The following GABRA3 variants were observed in gnomAD, a reference collection of about 807,000 sequenced individuals.
GABRA3 encodes gamma-aminobutyric acid type A receptor subunit alpha3, also known as gamma-aminobutyric acid receptor subunit alpha-3.
Under a neutral mutation model 30.1 loss-of-function variants are expected in GABRA3, and 10 were observed. That is an observed-to-expected ratio of 0.33 (90% confidence interval 0.20 to 0.56). The LOEUF is 0.56. Ranked by LOEUF, GABRA3 falls within the 20% of genes least tolerant of loss-of-function variation. The pLI, the probability that GABRA3 is intolerant of heterozygous loss-of-function variation, is 0.89. For missense variants in GABRA3, 233 were observed against 392.0 expected (o/e 0.59, Z 3.42); for synonymous variants, 151 against 146.8 (o/e 1.03, Z -0.21).
rs1936942431 is a variant in GABRA3 at position 152,166,825 on chromosome X, G to C, written c.*1403C>G. The C allele has an allele frequency of 9.0e-6, 1 of 111,072 alleles. No individual in the cohort carries two copies. Among genetic ancestry groups the C allele is most frequent in the African/African-American group, 3.3e-5 (1 of 30,470 alleles). 9.2% of individuals were successfully genotyped at this position (111,072 alleles called of 1,213,427 possible). A position where few individuals can be genotyped will look rare whatever the true frequency, so the allele number is the denominator to read the frequency against. ...TTGTGCTGATTCTGAGGTCACGGTG[G>C]ACCTGGCTTCTCAGTCCTTTATTTT... On this transcript the variant is annotated 3_prime_UTR_variant, in exon 10 of 10. Transcript: ENST00000370314.
intron 1 of GABRA3, among the ~76,000 whole-genome samples, chrX:152,372,012 C>A (rs775632803): frequency 9.0e-6 from 1 of 111,070 alleles, no homozygotes; most frequent in Non-Finnish European, 1.9e-5. Context: ...TTGGAACAGA[C>A]CCAGACTCTG....
chrX:152,314,419 A>T (rs989459858), intron 3 of GABRA3, among the ~76,000 whole-genome samples: 1 of 112,354 alleles, frequency 8.9e-6, no homozygotes. Context: ...TTTTAAGAGT[A>T]AGTAAGATCT....
intron 3 of GABRA3, among the ~76,000 whole-genome samples, chrX:152,301,590 ATGG>A (rs1466680529): frequency 9.0e-6 from 1 of 110,993 alleles, no homozygotes; most frequent in African/African-American, 3.3e-5. Context: ...CTAGAGTTTA[ATGG>A]TGCGATCTCG....
At chrX:152,324,710 C>A (rs1940024996) in intron 3 of GABRA3, among the ~76,000 whole-genome samples, 1 of 111,019 alleles carries the variant, frequency 9.0e-6, no homozygotes, top group South Asian at 3.8e-4. Flanking sequence ...AAATTATAGT[C>A]AATACATTGA....
At chrX:152,309,378 C>A (rs899492104) in intron 3 of GABRA3, among the ~76,000 whole-genome samples, 1 of 110,675 alleles carries the variant, frequency 9.0e-6, no homozygotes, top group South Asian at 3.8e-4. Flanking sequence ...ATATATTAAA[C>A]GCAGCTAGAG....
intron 5 of GABRA3, among the ~76,000 whole-genome samples, chrX:152,248,850 A>G (rs867228509): frequency 3.6e-5 from 4 of 111,974 alleles, no homozygotes; most frequent in Admixed American, 9.5e-5. Flanking sequence ...AACGTTAACT[A>G]TGTGAGGTAA....
intron 9 of GABRA3, among the ~76,000 whole-genome samples, chrX:152,170,738 T>C (rs1187287570): frequency 8.9e-6 from 1 of 112,323 alleles, no homozygotes; most frequent in Non-Finnish European, 1.9e-5. Flanking sequence ...AAAGGCCTTA[T>C]ATGCTATGCT....
chrX:152,443,016 T>C lies in GABRA3; in HGVS notation c.-27+8130A>G, dbSNP rs763713090. On this transcript the variant is annotated intron_variant, in intron 1 of 9. Coordinates refer to ENST00000370314, the MANE Select transcript of GABRA3 (RefSeq NM_000808.4). Reference sequence around the variant, plus strand: ...TAAATATAATTACATAAAATTAAGATTACTATGCATAAAAGTCAATTTAAA... The same window carrying C: ...TAAATATAATTACATAAAATTAAGACTACTATGCATAAAAGTCAATTTAAA... 1.5e-3 allele frequency among the ~76,000 whole-genome samples: 168 copies of C among 111,908 alleles called. 1 individual carries two copies. Among genetic ancestry groups the C allele is most frequent in the African/African-American group, 5.3e-3 (164 of 30,942 alleles).
At chrX:152,438,971 G>A (rs1232890566) in intron 1 of GABRA3, among the ~76,000 whole-genome samples, 7 of 110,369 alleles carry the variant, frequency 6.3e-5, no homozygotes, top group African/African-American at 1.6e-4. Context: ...AGCTATAGAC[G>A]TGAGTTAATA....
In GABRA3 at chrX:152,410,543, C is replaced by T. The variant is rs768829401; in HGVS notation, c.-27+40603G>A. On this transcript the variant is annotated intron_variant, in intron 1 of 9. Transcript: ENST00000370314. ...AATAACAAATTTTATATTTAAAAAA[C>T]AAAAACATCACATATACTCTATCAA... is the stretch of plus-strand genomic sequence containing the variant. 1.5e-3 allele frequency among the ~76,000 whole-genome samples: 171 copies of T among 110,786 alleles called. 1 individual carries two copies. Among genetic ancestry groups the T allele is most frequent in the African/African-American group, 4.6e-3 (140 of 30,580 alleles).
chrX:152,362,301 G>C (rs1007125751), intron 2 of GABRA3, among the ~76,000 whole-genome samples: 2 of 110,604 alleles, frequency 1.8e-5, no homozygotes, highest in African/African-American at 6.6e-5. Flanking sequence ...AATACCTTGG[G>C]TAATATTGAA....
chrX:152,258,669 A>G (rs1254047512), intron 4 of GABRA3, among the ~76,000 whole-genome samples: 1 of 111,984 alleles, frequency 8.9e-6, no homozygotes, highest in Non-Finnish European at 1.9e-5. Flanking sequence ...AAATTGCAAA[A>G]CAGAAAAGAC....
In GABRA3 at chrX:152,439,053, T is replaced by C. The variant is rs1930850501; in HGVS notation, c.-27+12093A>G. ...TAAAGACGTTAATAATAAGGGAAAC[T>C]GGGGTGGGGGATGGGGTAACTCCGT... On this transcript the variant is annotated intron_variant, in intron 1 of 9. Coordinates refer to ENST00000370314, the MANE Select transcript of GABRA3 (RefSeq NM_000808.4). Among the ~76,000 whole-genome samples the C allele has an allele frequency of 2.7e-5, 3 of 110,732 alleles. No homozygotes were observed. In the South Asian group the frequency reaches 1.2e-3, roughly 43 times the overall value.
chrX:152,277,358 A>G (rs1015220367), intron 4 of GABRA3, among the ~76,000 whole-genome samples: 2 of 111,300 alleles, frequency 1.8e-5, no homozygotes, highest in African/African-American at 6.5e-5. Context: ...TGAATCTGTT[A>G]TCTAGAATTA....
At chrX:152,320,603 C>G (rs553283296) in intron 3 of GABRA3, among the ~76,000 whole-genome samples, 10 of 111,181 alleles carry the variant, frequency 9.0e-5, no homozygotes, top group African/African-American at 3.3e-4. Flanking sequence ...GAATAAAAGA[C>G]TACAAATGGG....
intron 7 of GABRA3, among the ~76,000 whole-genome samples, chrX:152,207,382 G>A (rs919799750): frequency 1.3e-4 from 15 of 111,688 alleles, no homozygotes; most frequent in African/African-American, 4.9e-4. Context: ...CAGGCCCCTT[G>A]AACTGCTCAG....
intron 3 of GABRA3, among the ~76,000 whole-genome samples, chrX:152,300,190 C>T (rs951409520): frequency 8.9e-6 from 1 of 112,336 alleles, no homozygotes; most frequent in African/African-American, 3.2e-5. Flanking sequence ...AAGTATGGTA[C>T]AGATACAAGG....
intron 9 of GABRA3, among the ~76,000 whole-genome samples, 170 bp downstream of exon 9, chrX:152,189,560 C>A (rs1364005416): frequency 1.8e-5 from 2 of 111,045 alleles, no homozygotes. Flanking sequence ...TCTTTGCCCT[C>A]AGACAACATG....
intron 3 of GABRA3, among the ~76,000 whole-genome samples, chrX:152,317,657 CA>C (rs1285523129): frequency 9.0e-6 from 1 of 111,679 alleles, no homozygotes; most frequent in East Asian, 2.8e-4. Flanking sequence ...AAATCAACTC[CA>C]AAAGGAACCT....
Sources: gnomAD v4.1 joint callset for allele counts (sites outside exome capture counted in the v4.1 genomes callset) on GRCh38, gnomAD v4.1.1 for gene constraint, MANE v1.5 for transcripts, NCBI Gene and HGNC (gene_info 2026-07-23, HGNC 2026-07-21) for gene names.